Variants in NUDT3 observed in about 807,000 individuals in gnomAD.
NUDT3 encodes nudix hydrolase 3, also known as diphosphoinositol polyphosphate phosphohydrolase 1.
In NUDT3, 9 loss-of-function variants were observed where a neutral mutation model predicts 23.6. The observed-to-expected ratio is 0.38, with a 90% CI of 0.23 to 0.66. NUDT3 has a LOEUF of 0.66. Among genes scored for constraint, NUDT3 ranks in the 30% least tolerant of loss-of-function variants. NUDT3 has a pLI of 0.52. For missense variants in NUDT3, 172 were observed against 218.5 expected (o/e 0.79, Z 1.34); for synonymous variants, 86 against 82.6 (o/e 1.04, Z -0.22).
intron 1 of NUDT3, among the ~76,000 whole-genome samples, chr6:34,381,516 C>CA (rs1051089983): frequency 2.1e-4 from 31 of 150,392 alleles, no homozygotes; most frequent in South Asian, 8.5e-4. Context: ...ATTGAACCTA[C>CA]AAAAAAAAAC....
chr6:34,345,828 G>T (rs1230539975), intron 1 of NUDT3, among the ~76,000 whole-genome samples: 1 of 151,946 alleles, frequency 6.6e-6, no homozygotes, highest in Non-Finnish European at 1.5e-5. Flanking sequence ...GAGTGCAATG[G>T]CATGATCTTG....
chr6:34,355,703 G>A, intron 1 of NUDT3, among the ~76,000 whole-genome samples: 1 of 93,020 alleles, frequency 1.1e-5, no homozygotes, highest in South Asian at 4.7e-4. Flanking sequence ...GGGGTGGGGG[G>A]TGGGGGGAGG....
intron 1 of NUDT3, among the ~76,000 whole-genome samples, chr6:34,376,292 G>C (rs1191736379): frequency 6.6e-6 from 1 of 151,752 alleles, no homozygotes; most frequent in Non-Finnish European, 1.5e-5. Context: ...TGTCACCGAG[G>C]CTGGAGTGCA....
chr6:34,387,774 A>T (rs772510064), intron 1 of NUDT3, among the ~76,000 whole-genome samples: 7 of 152,120 alleles, frequency 4.6e-5, no homozygotes, highest in Non-Finnish European at 1.0e-4. Context: ...TAAGTATTAC[A>T]AACGAGTCAG....
intron 2 of NUDT3, among the ~76,000 whole-genome samples, chr6:34,320,002 T>A (rs1455068521): frequency 6.6e-6 from 1 of 152,196 alleles, no homozygotes; most frequent in African/African-American, 2.4e-5. Context: ...AACATCTATA[T>A]ATATGTGTCA....
intron 1 of NUDT3, among the ~76,000 whole-genome samples, chr6:34,372,995 G>C (rs192183403): frequency 1.3e-5 from 2 of 151,548 alleles, no homozygotes; most frequent in East Asian, 2.0e-4. Flanking sequence ...GAGCACGCGC[G>C]TGTGCCGGGC....
chr6:34,369,175 T>C (rs1331803152), intron 1 of NUDT3, among the ~76,000 whole-genome samples: 1 of 152,198 alleles, frequency 6.6e-6, no homozygotes, highest in Non-Finnish European at 1.5e-5. Flanking sequence ...TTCAAAATAA[T>C]TTCTACCAGA....
At chr6:34,315,709 C>A (rs1306123137) in intron 2 of NUDT3, among the ~76,000 whole-genome samples, 1 of 152,126 alleles carries the variant, frequency 6.6e-6, no homozygotes, top group Non-Finnish European at 1.5e-5. Context: ...ACTAGATAAC[C>A]TCTTGACATC....
intron 4 of NUDT3, among the ~76,000 whole-genome samples, chr6:34,291,590 C>T (rs981185982): frequency 6.6e-6 from 1 of 152,056 alleles, no homozygotes; most frequent in African/African-American, 2.4e-5. Context: ...GCAACCTCCA[C>T]CTCCTAGGTT....
chr6:34,364,236 G>C (rs1764691799), intron 1 of NUDT3, among the ~76,000 whole-genome samples: 1 of 152,198 alleles, frequency 6.6e-6, no homozygotes, highest in Non-Finnish European at 1.5e-5. Flanking sequence ...ATGATTGGTG[G>C]AGGAAACATT....
chr6:34,380,366 T>C (rs188493017), intron 1 of NUDT3, among the ~76,000 whole-genome samples: 2 of 152,252 alleles, frequency 1.3e-5, no homozygotes, highest in East Asian at 3.9e-4. Flanking sequence ...TTATTTTTTT[T>C]TTAAGAGAAA....
chr6:34,297,760 A>ATATATATATATTTTTTTTTTTT (rs1763535832), intron 2 of NUDT3, among the ~76,000 whole-genome samples: 1 of 53,654 alleles, frequency 1.9e-5, no homozygotes, highest in Non-Finnish European at 3.1e-5. Context: ...TATATATATA[A>ATATATATATATTTTTTTTTTTT]TTTTTTTTTT....
At chr6:34,348,865 CT>C (rs1161020429) in intron 1 of NUDT3, among the ~76,000 whole-genome samples, 250 of 143,002 alleles carry the variant, frequency 1.7e-3, no homozygotes, top group South Asian at 2.0e-3. Flanking sequence ...GAAGGTTTCT[CT>C]TTTTTTTTTT....
intron 2 of NUDT3, among the ~76,000 whole-genome samples, chr6:34,302,737 A>G (rs966289731): frequency 3.3e-5 from 5 of 152,228 alleles, no homozygotes; most frequent in African/African-American, 1.2e-4. Flanking sequence ...CCGTCTCAAA[A>G]AAACAAAACA....
Position 34,392,271 on chromosome 6 carries a change from T to C in NUDT3, c.92A>G (p.Glu31Gly), listed in dbSNP as rs1377172787. The C allele has an allele frequency of 1.3e-6, 2 of 1,597,402 alleles. No homozygotes were observed. The highest frequency in any genetic ancestry group is 2.3e-5 in the East Asian group (1 of 43,744). ...AACLCFRSES[E>G]EEVLLVSSSR... ...CCCAGCCTGCCGCCTCACCTCCTCC[T>C]CGCTCTCGCTGCGGAAACACAGGCA... Residue 31 changes from glutamate (E) to glycine (G), a missense_variant, in exon 1 of 5, where the codon GAG (glutamate) becomes GGG (glycine). Physicochemically the swap from Glu to Gly is moderately conservative, Grantham distance 98 (BLOSUM62 -2). Around this residue, in one of 3 missense-constraint regions of NUDT3, gnomAD observed 50 missense variants for 46.2 expected, o/e 1.08. Transcript: ENST00000607016.
chr6:34,392,211 C>G, intron 1 of NUDT3, 53 bp downstream of exon 1: 1 of 1,458,374 alleles, frequency 6.9e-7, no homozygotes, highest in South Asian at 1.2e-5. Context: ...CGCGCCTCCA[C>G]CCGAAGGGGC....
At chr6:34,301,701 G>T (rs1763600319) in intron 2 of NUDT3, among the ~76,000 whole-genome samples, 1 of 152,332 alleles carries the variant, frequency 6.6e-6, no homozygotes, top group East Asian at 1.9e-4. Context: ...GTTGACCTTG[G>T]CTTGTAAGGA....
chr6:34,372,726 C>T (rs1693219811), intron 1 of NUDT3, among the ~76,000 whole-genome samples: 1 of 151,960 alleles, frequency 6.6e-6, no homozygotes, highest in South Asian at 2.1e-4. Context: ...ATCGCTTGAA[C>T]CCAGGAGGCA....
chr6:34,366,932 G>A (rs58988822), intron 1 of NUDT3, among the ~76,000 whole-genome samples: 148 of 152,012 alleles, frequency 9.7e-4, no homozygotes, highest in African/African-American at 3.2e-3. Flanking sequence ...TCACTCTGTC[G>A]CCTAGGCTGG....
Sources: gnomAD v4.1 joint callset for allele counts (sites outside exome capture counted in the v4.1 genomes callset) on GRCh38, gnomAD v4.1.1 for gene constraint, gnomAD v4.1.1 regional missense constraint, MANE v1.5 for transcripts, NCBI Gene and HGNC (gene_info 2026-07-23, HGNC 2026-07-21) for gene names.